The following FBXO28 variants were observed in gnomAD, a reference collection of about 807,000 sequenced individuals.
FBXO28 encodes F-box protein 28, also known as F-box only protein 28.
Under a neutral mutation model 38.1 loss-of-function variants are expected in FBXO28, and 8 were observed. That is an observed-to-expected ratio of 0.21 (90% CI 0.12 to 0.38). The LOEUF is 0.38. FBXO28 is among the 10% of genes least tolerant of loss of function. FBXO28 has a pLI of 1.00. For synonymous variants in FBXO28, 168 were observed against 173.8 expected (o/e 0.97, Z 0.26); for missense variants, 345 against 460.6 (o/e 0.75, Z 2.30).
At chr1:224,149,756 G>A (rs1657597247) in intron 3 of FBXO28, among the ~76,000 whole-genome samples, 1 of 152,212 alleles carries the variant, frequency 6.6e-6, no homozygotes, top group Non-Finnish European at 1.5e-5. Context: ...TGTGTGTTCT[G>A]AAGGGGAATA....
chr1:224,129,849 G>A (rs6698041), intron 1 of FBXO28, among the ~76,000 whole-genome samples: 76,419 of 152,022 alleles, frequency 0.5, 20,475 homozygotes, highest in South Asian at 0.61. Context: ...AATTAGCCGG[G>A]CGTGGTGGCG....
At chr1:224,146,314 AAAT>A (rs1215223899) in intron 3 of FBXO28, among the ~76,000 whole-genome samples, 3 of 152,070 alleles carry the variant, frequency 2.0e-5, no homozygotes, top group Non-Finnish European at 2.9e-5. Context: ...TTTTTTTAAA[AAAT>A]AAAAGGGGTA....
intron 3 of FBXO28, among the ~76,000 whole-genome samples, chr1:224,143,237 A>G (rs1322512914): frequency 3.3e-5 from 5 of 149,796 alleles, no homozygotes; most frequent in Admixed American, 3.3e-4. Flanking sequence ...AAAAAAAAAG[A>G]GAAGGAGAAA....
At chr1:224,130,936 A>G (rs566185543) in intron 2 of FBXO28, 39 of 165,276 alleles carry the variant, frequency 2.4e-4, no homozygotes, top group South Asian at 2.1e-3. Flanking sequence ...TATAAGAATA[A>G]TATACAGAAA....
intron 3 of FBXO28, among the ~76,000 whole-genome samples, chr1:224,141,097 G>A (rs549411362): frequency 2.0e-5 from 3 of 152,000 alleles, no homozygotes; most frequent in South Asian, 2.1e-4. Flanking sequence ...TAGGAGAATC[G>A]CTTGAACCTG....
At position 224,153,790 on chromosome 1, in the gene FBXO28, G is replaced by A. The variant is rs150522593; in HGVS notation, c.712+453G>A. On this transcript the variant is annotated intron_variant, in intron 4 of 4. Transcript: ENST00000366862. ...ACAAAAATGTGCTGGGCATGGTGGC[G>A]CACACCTGTAATCCTAGCTACTCTG... Among the ~76,000 whole-genome samples, 19 of 151,992 alleles carry A rather than the reference G, an allele frequency of 1.3e-4. No individual in the cohort carries two copies. In the East Asian group the frequency reaches 1.9e-3, roughly 15 times the overall value.
At chr1:224,155,401 G>A (rs1368811078) in intron 4 of FBXO28, among the ~76,000 whole-genome samples, 1 of 152,054 alleles carries the variant, frequency 6.6e-6, no homozygotes, top group Non-Finnish European at 1.5e-5. Flanking sequence ...TCCTGACCTC[G>A]TGATCCACCT....
chr1:224,134,943 A>G (rs1219099144), intron 3 of FBXO28, among the ~76,000 whole-genome samples: 3 of 152,216 alleles, frequency 2.0e-5, no homozygotes, highest in Non-Finnish European at 4.4e-5. Context: ...ATCTAGTAAA[A>G]TCTGAATGTT....
At chr1:224,136,103 T>TTTTTTTG in intron 3 of FBXO28, among the ~76,000 whole-genome samples, 1 of 122,806 alleles carries the variant, frequency 8.1e-6, no homozygotes, top group South Asian at 3.0e-4. Context: ...TGACTTCAGT[T>TTTTTTTG]TTTTTTTTTT....
At chr1:224,129,906 C>T (rs1656995703) in intron 1 of FBXO28, among the ~76,000 whole-genome samples, 2 of 152,000 alleles carry the variant, frequency 1.3e-5, no homozygotes, top group African/African-American at 2.4e-5. Flanking sequence ...AGGAGAATGG[C>T]GTGAACCCAG....
At chr1:224,155,581 G>A (rs541079813) in intron 4 of FBXO28, among the ~76,000 whole-genome samples, 1 of 152,310 alleles carries the variant, frequency 6.6e-6, no homozygotes, top group South Asian at 2.1e-4. Context: ...TTTATCTACT[G>A]AAAGACTAAA....
At chr1:224,140,354 A>C (rs973672592) in intron 3 of FBXO28, among the ~76,000 whole-genome samples, 18 of 152,208 alleles carry the variant, frequency 1.2e-4, no homozygotes, top group Admixed American at 9.8e-4. Flanking sequence ...AATGTAATCG[A>C]GAACCATGCA....
intron 1 of FBXO28, among the ~76,000 whole-genome samples, chr1:224,125,490 A>G (rs1656882995): frequency 6.6e-6 from 1 of 151,902 alleles, no homozygotes; most frequent in East Asian, 1.9e-4. Flanking sequence ...AATTTCCAGA[A>G]CCACGTCTTT....
At chr1:224,152,991 G>T in intron 3 of FBXO28, 151 bp from the exon 4 acceptor site, 1 of 466,238 alleles carries the variant, frequency 2.1e-6, no homozygotes, top group Non-Finnish European at 3.7e-6. Flanking sequence ...GTTGTAAATA[G>T]CAATATTCAT....
At chr1:224,131,599 T>G (rs1657050144) in intron 2 of FBXO28, among the ~76,000 whole-genome samples, 1 of 152,196 alleles carries the variant, frequency 6.6e-6, no homozygotes, top group South Asian at 2.1e-4. Context: ...CAAATGATGC[T>G]GGGACAACTA....
chr1:224,125,058 C>G (rs1656872801), intron 1 of FBXO28, among the ~76,000 whole-genome samples: 1 of 151,998 alleles, frequency 6.6e-6, no homozygotes, highest in Admixed American at 6.6e-5. Context: ...GGAAAACTAC[C>G]ACATTAAATA....
intron 3 of FBXO28, among the ~76,000 whole-genome samples, chr1:224,141,237 C>T (rs184070079): frequency 6.6e-6 from 1 of 151,802 alleles, no homozygotes; most frequent in Non-Finnish European, 1.5e-5. Flanking sequence ...CTTTGGGAGG[C>T]CGAGGTGGGC....
rs71168313 is a variant in FBXO28, at chr1:224,135,611, CAA to C, written c.516+1422_516+1423del. Among the ~76,000 whole-genome samples the C allele has an allele frequency of 8.2e-4, 91 of 110,752 alleles. 1 individual carries two copies. The highest frequency in any genetic ancestry group is 3.8e-3 in the Admixed American group (37 of 9,678). 72.7% of individuals were successfully genotyped at this position (110,752 alleles called of 152,430 possible). A position where few individuals can be genotyped will look rare whatever the true frequency, so the allele number is the denominator to read the frequency against. The stretch of plus-strand genomic sequence containing the variant: ...TGGGCAACAGAGCAAGACTCTGTCT[CAA>C]AAAAAAAAAAAAAAAAAAAAAAGAA... On this transcript the variant is annotated intron_variant, in intron 3 of 4. Coordinates refer to ENST00000366862, the MANE Select transcript of FBXO28 (RefSeq NM_015176.4).
rs1276883841 is a variant in FBXO28, at chr1:224,160,036, A to T, written c.*2290A>T. Reference sequence around the variant, plus strand: ...GTACTTGTTAATGCATGAATGTTCCATGCAGTAGGAGAATAAAGCACTACA... The same window carrying T: ...GTACTTGTTAATGCATGAATGTTCCTTGCAGTAGGAGAATAAAGCACTACA... On this transcript the variant is annotated 3_prime_UTR_variant, in exon 5 of 5. Transcript: ENST00000366862. The T allele has an allele frequency of 1.3e-5, 2 of 152,216 alleles. No individual in the cohort carries two copies. The highest frequency in any genetic ancestry group is 2.9e-5 in the Non-Finnish European group (2 of 68,040). The allele number at this position is 152,216 out of a possible 1,614,324, so 9.4% of individuals were successfully genotyped here.
Sources: allele counts gnomAD v4.1 joint callset (sites outside exome capture counted in the v4.1 genomes callset), GRCh38; gene constraint gnomAD v4.1.1; transcripts MANE v1.5; gene names NCBI Gene and HGNC (gene_info 2026-07-23, HGNC 2026-07-21).